The following SLIT1 variants were observed in gnomAD, a reference collection of about 807,000 sequenced individuals.
The protein encoded by SLIT1 is slit guidance ligand 1.
In SLIT1, 66 loss-of-function variants were observed where a neutral mutation model predicts 186.1. The observed-to-expected ratio is 0.35, with a 90% CI of 0.29 to 0.44. The LOEUF is 0.44. Among genes scored for constraint, SLIT1 ranks in the 20% least tolerant of loss-of-function variants. SLIT1 has a pLI of 1.00. For missense variants in SLIT1, 1,638 were observed against 2,037.4 expected, an observed-to-expected ratio of 0.80 and a Z score of 3.77; for synonymous variants, 761 against 833.8, an observed-to-expected ratio of 0.91 and a Z score of 1.50.
At chr10:97,055,283 C>T (rs2805593) in intron 13 of SLIT1, among the ~76,000 whole-genome samples, 148,937 of 152,302 alleles carry the variant, frequency 0.98, 72,909 homozygotes, top group East Asian at 1. Context: ...TCAACACTAA[C>T]TAGATACTCA....
Position 97,006,435 on chromosome 10 carries a change from T to C in SLIT1, c.3579+48A>G, listed in dbSNP as rs770562364. ...CCTGATGCTCTGGCCTAAGCCAGGG[T>C]CGCCTGCTCCCTGACTCCCCTCTGT... On this transcript the variant is annotated intron_variant, in intron 32 of 36. Transcript: ENST00000266058. This position sits in a 1 kb window ranked among gnomAD's most constrained non-coding sequence, Gnocchi z 4.0. 3 of 1,349,034 alleles carry C rather than the reference T, an allele frequency of 2.2e-6. No homozygotes were observed. The highest frequency in any genetic ancestry group is 1.8e-4 in the Middle Eastern group (1 of 5,504). 83.6% of individuals were successfully genotyped at this position (1,349,034 alleles called of 1,614,324 possible).
chr10:97,043,380 G>A lies in SLIT1; in HGVS notation c.1987C>T (p.Leu663Phe), dbSNP rs1848706854. The change falls in exon 19 of 37, where the codon CTC becomes TTC. Residue 663 changes from leucine (L) to phenylalanine (F), a missense_variant. This residue lies in a region of SLIT1 where 1,245 missense variants were observed against 1,535.3 expected (regional missense o/e 0.81). Coordinates refer to ENST00000266058, the MANE Select transcript of SLIT1 (RefSeq NM_003061.3). The surrounding 1 kb of genome is among the most constrained non-coding windows in gnomAD (Gnocchi z 7.0). ...GGAGGCCGGACTCACAGTGTGGAGA[G>A]GGACTGGAGGGTGTCGAAGGCTCCT... ...SPGAFDTLQS[L>F]STLNLLANPF... 2 of 1,613,614 alleles carry A rather than the reference G, an allele frequency of 1.2e-6. No homozygotes were observed. Among genetic ancestry groups the A allele is most frequent in the Non-Finnish European group, 1.7e-6 (2 of 1,179,998 alleles).
In SLIT1 at chr10:97,004,973, TCCTCCA is replaced by T; in HGVS notation, c.3580-156_3580-151del. The T allele has an allele frequency of 1.1e-6, 1 of 888,536 alleles. No individual in the cohort carries two copies. Among genetic ancestry groups the T allele is most frequent in the Non-Finnish European group, 1.7e-6 (1 of 572,512 alleles). The allele number at this position is 888,536 out of a possible 1,614,324, so 55.0% of individuals were successfully genotyped here. ...ACCTGGCCAGCCTCCCCAAGGCCAT[TCCTCCA>T]GGGGGCACCAATAGGGGCTGCAGCC... On this transcript the variant is annotated intron_variant, in intron 32 of 36. Transcript: ENST00000266058. The surrounding 1 kb of genome is among the most constrained non-coding windows in gnomAD (Gnocchi z 5.1).
At chr10:97,147,148 T>C (rs1229313461) in intron 4 of SLIT1, among the ~76,000 whole-genome samples, 1 of 152,094 alleles carries the variant, frequency 6.6e-6, no homozygotes, top group Non-Finnish European at 1.5e-5. Context: ...ACCTCAAAAG[T>C]GCTATGTTAA....
intron 4 of SLIT1, among the ~76,000 whole-genome samples, chr10:97,152,481 T>C (rs2134714239): frequency 6.6e-6 from 1 of 152,264 alleles, no homozygotes; most frequent in South Asian, 2.1e-4. Context: ...GCCACAGTGT[T>C]CATGTCTGAC....
chr10:97,180,665 G>A (rs1247865082), intron 1 of SLIT1, among the ~76,000 whole-genome samples: 2 of 152,110 alleles, frequency 1.3e-5, no homozygotes, highest in African/African-American at 2.4e-5. Context: ...CTCCCATCAC[G>A]ACCATCCGCC....
In SLIT1 at chr10:97,063,436, G is replaced by A. The variant is rs548807513; in HGVS notation, c.793+19C>T. 26 of 1,611,794 alleles carry A rather than the reference G, an allele frequency of 1.6e-5. No homozygotes were observed. Among genetic ancestry groups the A allele is most frequent in the South Asian group, 1.4e-4 (13 of 90,982 alleles). On this transcript the variant is annotated intron_variant, in intron 8 of 36. Transcript: ENST00000266058. ...GGAGGCGCCGGACAGTTGAGAGCCC[G>A]GCAGGGGTCTGCACCCACCTGAGCA...
chr10:97,149,628 T>C (rs1849854603), intron 4 of SLIT1, among the ~76,000 whole-genome samples: 1 of 151,990 alleles, frequency 6.6e-6, no homozygotes, highest in Non-Finnish European at 1.5e-5. Flanking sequence ...AATCTCTGAG[T>C]GTGACCCTGG....
intron 4 of SLIT1, among the ~76,000 whole-genome samples, chr10:97,142,002 C>T (rs1849771325): frequency 6.6e-6 from 1 of 152,184 alleles, no homozygotes; most frequent in Non-Finnish European, 1.5e-5. Flanking sequence ...TCTCACTGAT[C>T]TCTGGTCCTT....
At chr10:97,179,112 A>G (rs1049655112) in intron 1 of SLIT1, among the ~76,000 whole-genome samples, 1 of 151,938 alleles carries the variant, frequency 6.6e-6, no homozygotes, top group African/African-American at 2.4e-5. Flanking sequence ...CCACAACACA[A>G]CAACAATTCA....
chr10:97,134,832 G>A (rs1022826160), intron 4 of SLIT1, among the ~76,000 whole-genome samples: 76 of 152,194 alleles, frequency 5.0e-4, no homozygotes, highest in Non-Finnish European at 7.1e-4. Flanking sequence ...AGATGAGGAC[G>A]CGGGCTTTGC....
intron 4 of SLIT1, among the ~76,000 whole-genome samples, chr10:97,151,007 G>A (rs57209536): frequency 0.062 from 9,369 of 151,508 alleles, 688 homozygotes; most frequent in African/African-American, 0.18. Context: ...CCCCCCCGCC[G>A]GAAGGAGATA....
At chr10:97,052,837 A>G (rs1848801899) in intron 13 of SLIT1, among the ~76,000 whole-genome samples, 1 of 152,192 alleles carries the variant, frequency 6.6e-6, no homozygotes, top group Non-Finnish European at 1.5e-5. Context: ...TAATAATAGT[A>G]CCTGATAGTA....
At chr10:97,096,493 C>G (rs1849291562) in intron 4 of SLIT1, among the ~76,000 whole-genome samples, 1 of 152,170 alleles carries the variant, frequency 6.6e-6, no homozygotes, top group African/African-American at 2.4e-5. Flanking sequence ...CTGATTGAAG[C>G]CGGGAGCCCG....
intron 13 of SLIT1, among the ~76,000 whole-genome samples, chr10:97,052,721 C>T (rs1230162202): frequency 6.6e-6 from 1 of 152,032 alleles, no homozygotes; most frequent in Non-Finnish European, 1.5e-5. Flanking sequence ...GGGACTTCGC[C>T]ACAGATCTTG....
intron 11 of SLIT1, chr10:97,058,188 C>A: frequency 1.5e-6 from 1 of 650,428 alleles, no homozygotes; most frequent in South Asian, 1.7e-5. Flanking sequence ...CATCAGATTC[C>A]CATTTCAGAA....
chr10:97,083,876 A>G (rs1223806792), intron 4 of SLIT1, among the ~76,000 whole-genome samples: 1 of 152,156 alleles, frequency 6.6e-6, no homozygotes, highest in South Asian at 2.1e-4. Flanking sequence ...GTCTCCGAGA[A>G]TGAAGAGTGT....
intron 4 of SLIT1, among the ~76,000 whole-genome samples, chr10:97,083,285 G>A (rs1386666287): frequency 1.3e-5 from 2 of 152,108 alleles, no homozygotes; most frequent in Non-Finnish European, 2.9e-5. Flanking sequence ...TCCAGATAAT[G>A]TAACTGAGGC....
intron 25 of SLIT1, among the ~76,000 whole-genome samples, chr10:97,027,916 G>C (rs886703553): frequency 2.6e-5 from 4 of 152,110 alleles, no homozygotes; most frequent in African/African-American, 9.7e-5. Flanking sequence ...CATTAAGGGG[G>C]GGCGGAAATG....
Sources: allele counts gnomAD v4.1 joint callset (sites outside exome capture counted in the v4.1 genomes callset), GRCh38; gene constraint gnomAD v4.1.1; regional missense constraint gnomAD v4.1.1; non-coding constraint Gnocchi (gnomAD v3.1); transcripts MANE v1.5; gene names NCBI Gene and HGNC (gene_info 2026-07-23, HGNC 2026-07-21).